The following LARP1 variants were observed in gnomAD, a reference collection of about 807,000 sequenced individuals.
LARP1 encodes the protein la-related protein 1.
LARP1 carries 36 observed loss-of-function variants against 122.7 expected under a neutral mutation model. The observed-to-expected ratio is 0.29, with a 90% CI of 0.22 to 0.39. LARP1 has a LOEUF of 0.39. Ranked by LOEUF, LARP1 falls within the 10% of genes least tolerant of loss-of-function variation. The probability of loss-of-function intolerance (pLI) is 1.00; values close to 1 mark genes in which losing one functional copy is unlikely to be tolerated. For synonymous variants in LARP1, 539 were observed against 528.7 expected (o/e 1.02, Z -0.27); for missense variants, 1,040 against 1,403.6 (o/e 0.74, Z 4.14).
intron 1 of LARP1, among the ~76,000 whole-genome samples, chr5:154,724,059 A>G (rs1416818934): frequency 6.6e-6 from 1 of 152,212 alleles, no homozygotes; most frequent in Non-Finnish European, 1.5e-5. Flanking sequence ...AGAGGCAACC[A>G]TGATCTTCCA....
At chr5:154,791,734 T>C (rs914462329) in intron 3 of LARP1, among the ~76,000 whole-genome samples, 2 of 152,194 alleles carry the variant, frequency 1.3e-5, no homozygotes, top group Non-Finnish European at 2.9e-5. Flanking sequence ...GACCTACATA[T>C]ATGAAAAGTT....
chr5:154,729,625 CA>C, intron 1 of LARP1: 1 of 419,254 alleles, frequency 2.4e-6, no homozygotes, highest in Non-Finnish European at 4.6e-6. Context: ...TCCACCCAAA[CA>C]CACTTTGTGA....
intron 1 of LARP1, among the ~76,000 whole-genome samples, chr5:154,716,202 C>T (rs899795344): frequency 6.6e-6 from 1 of 152,214 alleles, no homozygotes; most frequent in African/African-American, 2.4e-5. Context: ...CCCCTGCACC[C>T]TCTGCCTCCC....
intron 1 of LARP1, among the ~76,000 whole-genome samples, chr5:154,722,960 C>T (rs1216379799): frequency 2.6e-5 from 4 of 152,132 alleles, no homozygotes; most frequent in African/African-American, 4.8e-5. Context: ...GGATTACAGG[C>T]GTGAGCCAGC....
chr5:154,690,945 T>G (rs1754169996), intron 1 of LARP1, among the ~76,000 whole-genome samples: 1 of 152,206 alleles, frequency 6.6e-6, no homozygotes, highest in Non-Finnish European at 1.5e-5. Flanking sequence ...CTTCTTTGAT[T>G]CTGAAATAAA....
intron 1 of LARP1, among the ~76,000 whole-genome samples, chr5:154,693,445 G>C (rs996314640): frequency 1.9e-4 from 29 of 152,236 alleles, no homozygotes; most frequent in African/African-American, 7.0e-4. Context: ...AAATAACATT[G>C]GTTCGTGATT....
intron 1 of LARP1, among the ~76,000 whole-genome samples, chr5:154,724,095 C>T (rs1427386000): frequency 3.3e-5 from 5 of 152,138 alleles, no homozygotes; most frequent in South Asian, 2.1e-4. Context: ...GCCCTCAGAA[C>T]GGGAAAGGTG....
At chr5:154,797,221 G>GTTTTTTTTTTTTTTTTTT (rs1158010359) in intron 8 of LARP1, among the ~76,000 whole-genome samples, 4 of 29,748 alleles carry the variant, frequency 1.3e-4, no homozygotes, top group Non-Finnish European at 2.0e-4. Context: ...TGTTGTTGTT[G>GTTTTTTTTTTTTTTTTTT]TTTTTTTTTT....
intron 1 of LARP1, among the ~76,000 whole-genome samples, chr5:154,788,703 G>A (rs1435505782): frequency 4.0e-5 from 6 of 151,806 alleles, no homozygotes; most frequent in Non-Finnish European, 5.9e-5. Context: ...GAAAAGAAGT[G>A]TGGATGTAGA....
intron 18 of LARP1, among the ~76,000 whole-genome samples, chr5:154,813,588 G>A (rs991219743): frequency 6.6e-6 from 1 of 152,124 alleles, no homozygotes; most frequent in African/African-American, 2.4e-5. Flanking sequence ...GTCTTTATCG[G>A]TTACCAGCTA....
At chr5:154,796,952 G>A (rs996639655) in intron 8 of LARP1, among the ~76,000 whole-genome samples, 4 of 152,080 alleles carry the variant, frequency 2.6e-5, no homozygotes, top group African/African-American at 4.8e-5. Flanking sequence ...GGGCTCAAAC[G>A]TATTTATTTT....
intron 16 of LARP1, among the ~76,000 whole-genome samples, chr5:154,810,484 T>C (rs966488380): frequency 6.6e-6 from 1 of 151,840 alleles, no homozygotes; most frequent in Non-Finnish European, 1.5e-5. Context: ...GTGTTTGTTT[T>C]TGTTTTGTTT....
chr5:154,786,412 C>CAGAATTAGT (rs1442945772), intron 1 of LARP1: 1 of 453,202 alleles, frequency 2.2e-6, no homozygotes, highest in Non-Finnish European at 4.4e-6. Flanking sequence ...CTAGAATTAC[C>CAGAATTAGT]AGAATTAGTA....
chr5:154,773,315 A>G (rs1755596942), intron 1 of LARP1, among the ~76,000 whole-genome samples: 1 of 152,168 alleles, frequency 6.6e-6, no homozygotes, highest in African/African-American at 2.4e-5. Flanking sequence ...TAGGCTTTCA[A>G]GGGGACTTAA....
chr5:154,805,759 CCTT>C, intron 14 of LARP1, 119 bp from the exon 15 acceptor site: 1 of 1,039,314 alleles, frequency 9.6e-7, no homozygotes, highest in Non-Finnish European at 1.4e-6. Flanking sequence ...AACTGGGCCT[CCTT>C]GTTTGATACC....
intron 1 of LARP1, among the ~76,000 whole-genome samples, chr5:154,772,269 C>T (rs1335681494): frequency 6.6e-6 from 1 of 152,160 alleles, no homozygotes; most frequent in Non-Finnish European, 1.5e-5. Flanking sequence ...GTACATTCTT[C>T]TTACTAAGTT....
chr5:154,722,041 C>T (rs1755904777), intron 1 of LARP1, among the ~76,000 whole-genome samples: 1 of 152,140 alleles, frequency 6.6e-6, no homozygotes, highest in South Asian at 2.1e-4. Flanking sequence ...GCCTTCATTT[C>T]TCTAACAGCC....
chr5:154,725,067 A>T (rs547202035), intron 1 of LARP1, among the ~76,000 whole-genome samples: 65 of 152,018 alleles, frequency 4.3e-4, no homozygotes, highest in African/African-American at 1.4e-3. Flanking sequence ...CAATATAGTG[A>T]GACCTTGTCT....
intron 1 of LARP1, among the ~76,000 whole-genome samples, chr5:154,739,695 A>G (rs1000491315): frequency 6.7e-4 from 102 of 152,170 alleles, no homozygotes; most frequent in African/African-American, 2.3e-3. Flanking sequence ...CACCATACCC[A>G]GCTACGTTGG....
Sources: gnomAD v4.1 joint callset for allele counts (sites outside exome capture counted in the v4.1 genomes callset) on GRCh38, gnomAD v4.1.1 for gene constraint, MANE v1.5 for transcripts, NCBI Gene and HGNC (gene_info 2026-07-23, HGNC 2026-07-21) for gene names.